The following ADAM22 variants were observed in gnomAD, a reference collection of about 807,000 sequenced individuals.
ADAM22 encodes the protein ADAM metallopeptidase domain 22.
Under a neutral mutation model 144.6 loss-of-function variants are expected in ADAM22, and 65 were observed. The ratio of observed to expected loss-of-function variants is 0.45; its 90% CI spans 0.37 to 0.55. The LOEUF (loss-of-function observed/expected upper bound fraction) is 0.55, where lower values mean the gene tolerates loss of function less well. ADAM22 is among the 20% of genes least tolerant of loss of function. The pLI, the probability that ADAM22 is intolerant of heterozygous loss-of-function variation, is 0.00. For missense variants in ADAM22, 974 were observed against 1,184.9 expected, an observed-to-expected ratio of 0.82 and a Z score of 2.61; for synonymous variants, 391 against 412.6, an observed-to-expected ratio of 0.95 and a Z score of 0.63.
chr7:88,069,158 T>C (rs1812078234), intron 3 of ADAM22, among the ~76,000 whole-genome samples: 1 of 151,614 alleles, frequency 6.6e-6, no homozygotes, highest in Non-Finnish European at 1.5e-5. Context: ...TCCCTCTTCC[T>C]CCCTCTCCCT....
At chr7:87,996,911 T>C (rs1246256889) in intron 3 of ADAM22, among the ~76,000 whole-genome samples, 2 of 152,208 alleles carry the variant, frequency 1.3e-5, no homozygotes. Context: ...ATTGGGTAGT[T>C]GGCAGGTTTA....
intron 3 of ADAM22, among the ~76,000 whole-genome samples, chr7:88,032,157 A>T (rs1287080691): frequency 6.6e-6 from 1 of 152,190 alleles, no homozygotes; most frequent in Admixed American, 6.5e-5. Context: ...CCATTCTCCA[A>T]TCCCCAGAAT....
At chr7:88,148,646 C>T (rs1490697716) in intron 17 of ADAM22, among the ~76,000 whole-genome samples, 4 of 151,872 alleles carry the variant, frequency 2.6e-5, no homozygotes, top group East Asian at 1.9e-4. Context: ...ATAAAAGTGT[C>T]GGTGAGAATG....
At chr7:87,964,652 T>C (rs201382748) in intron 2 of ADAM22, 1 of 431,000 alleles carries the variant, frequency 2.3e-6, no homozygotes, top group South Asian at 1.7e-5. Context: ...GTTTTTGAAG[T>C]CAGAATCCCA....
chr7:87,988,406 G>A (rs1474530976), intron 3 of ADAM22, among the ~76,000 whole-genome samples: 4 of 152,178 alleles, frequency 2.6e-5, no homozygotes, highest in African/African-American at 9.7e-5. Flanking sequence ...GGACTGTGCT[G>A]TAACAACCAC....
Position 87,993,396 on chromosome 7 carries a change from A to T in ADAM22, c.323+14984A>T, listed in dbSNP as rs189846843. 8.1e-3 allele frequency among the ~76,000 whole-genome samples: 1,230 copies of T among 152,268 alleles called. 6 individuals carry two copies. The highest frequency in any genetic ancestry group is 0.037 in the Middle Eastern group (11 of 294). On this transcript the variant is annotated intron_variant, in intron 3 of 31. Coordinates refer to ENST00000413139, the MANE Select transcript of ADAM22 (RefSeq NM_001324418.2). ...TGATATCTGTAATAAATTGCTTTAA[A>T]TTTTTTTCATTTTAGTAACTTATGC...
intron 2 of ADAM22, among the ~76,000 whole-genome samples, chr7:87,958,618 C>T (rs1308325954): frequency 6.6e-6 from 1 of 151,890 alleles, no homozygotes; most frequent in Non-Finnish European, 1.5e-5. Flanking sequence ...TCTCTTGACC[C>T]TGTGATCTGC....
intron 7 of ADAM22, among the ~76,000 whole-genome samples, chr7:88,120,290 T>A (rs1367396189): frequency 1.3e-5 from 2 of 152,112 alleles, no homozygotes; most frequent in Admixed American, 1.3e-4. Flanking sequence ...AACTGGTCAT[T>A]TACATTAGTT....
chr7:87,994,552 C>T (rs1290044666), intron 3 of ADAM22, among the ~76,000 whole-genome samples: 1 of 152,034 alleles, frequency 6.6e-6, no homozygotes, highest in African/African-American at 2.4e-5. Flanking sequence ...TACTTTTTCC[C>T]TTTCTGGATC....
chr7:88,086,254 A>G (rs975517893), intron 4 of ADAM22, among the ~76,000 whole-genome samples: 8 of 152,150 alleles, frequency 5.3e-5, no homozygotes. Flanking sequence ...TGTTGAAGAA[A>G]CCAGATTGTT....
intron 4 of ADAM22, among the ~76,000 whole-genome samples, chr7:88,082,073 C>G (rs1356598048): frequency 6.6e-6 from 1 of 152,178 alleles, no homozygotes; most frequent in Non-Finnish European, 1.5e-5. Flanking sequence ...ATCATGCTAC[C>G]TGACTTCAAA....
intron 30 of ADAM22, among the ~76,000 whole-genome samples, chr7:88,191,075 C>T (rs530360383): frequency 1.3e-5 from 2 of 152,352 alleles, no homozygotes; most frequent in African/African-American, 4.8e-5. Flanking sequence ...CTCTTCTTCC[C>T]CTCAAGGTCC....
intron 29 of ADAM22, chr7:88,184,241 G>A: frequency 7.3e-6 from 2 of 272,150 alleles, no homozygotes; most frequent in South Asian, 2.9e-5. Context: ...TGTACATGAT[G>A]TAAAAACATT....
intron 3 of ADAM22, among the ~76,000 whole-genome samples, chr7:88,024,081 T>G (rs895506453): frequency 2.0e-5 from 3 of 152,212 alleles, no homozygotes; most frequent in African/African-American, 4.8e-5. Flanking sequence ...ATTTTCTTTA[T>G]CCATTCATCT....
chr7:88,044,140 A>G (rs1217760963), intron 3 of ADAM22, among the ~76,000 whole-genome samples: 4 of 152,236 alleles, frequency 2.6e-5, no homozygotes, highest in African/African-American at 9.6e-5. Context: ...TTGTAGTCAA[A>G]TAATAGCCCT....
At chr7:88,116,703 C>G in intron 6 of ADAM22, 42 bp from the exon 7 acceptor site, 2 of 1,515,490 alleles carry the variant, frequency 1.3e-6, no homozygotes, top group Non-Finnish European at 1.8e-6. Flanking sequence ...TGGAGATAAT[C>G]CTGTTGTACA....
At chr7:88,134,225 C>T in intron 12 of ADAM22, 104 bp from the exon 13 acceptor site, 1 of 838,450 alleles carries the variant, frequency 1.2e-6, no homozygotes, top group East Asian at 2.8e-5. Context: ...AAAGAAATTG[C>T]TTAGAAATTA....
intron 26 of ADAM22, among the ~76,000 whole-genome samples, chr7:88,175,747 A>C (rs960048901): frequency 2.0e-5 from 3 of 152,208 alleles, no homozygotes; most frequent in Non-Finnish European, 2.9e-5. Context: ...AAAGCCGTAA[A>C]GATAATAAAG....
At chr7:88,145,622 G>A (rs1327829862) in intron 17 of ADAM22, 115 bp downstream of exon 17, 3 of 775,958 alleles carry the variant, frequency 3.9e-6, no homozygotes. Flanking sequence ...TATTAAATGA[G>A]TAAGTGCCAG....
Sources: gnomAD v4.1 joint callset for allele counts (sites outside exome capture counted in the v4.1 genomes callset) on GRCh38, gnomAD v4.1.1 for gene constraint, MANE v1.5 for transcripts, NCBI Gene and HGNC (gene_info 2026-07-23, HGNC 2026-07-21) for gene names.